TMEM94: variants seen among roughly 807,000 people sequenced by gnomAD.
TMEM94 encodes ER Mg2+ ATPase.
A neutral mutation model predicts 158.6 loss-of-function variants in TMEM94; 81 were observed. That is an observed-to-expected ratio of 0.51 (90% CI 0.43 to 0.61). The LOEUF (loss-of-function observed/expected upper bound fraction) is 0.61, where lower values mean the gene tolerates loss of function less well. Among genes scored for constraint, TMEM94 ranks in the 20% least tolerant of loss-of-function variants. TMEM94 has a pLI of 0.00. For missense variants in TMEM94, 1,435 were observed against 1,762.0 expected, an observed-to-expected ratio of 0.81 and a Z score of 3.32; for synonymous variants, 751 against 730.7, an observed-to-expected ratio of 1.03 and a Z score of -0.45.
intron 26 of TMEM94, 146 bp downstream of exon 26, chr17:75,497,344 CTTTTTTTT>C (rs67776731): frequency 3.4e-4 from 44 of 130,082 alleles, no homozygotes; most frequent in East Asian, 1.3e-3. Flanking sequence ...CCCCCTTTGT[CTTTTTTTT>C]TTTTTTTTTT....
chr17:75,496,426 C>T lies in TMEM94; in HGVS notation c.3198C>T (p.Thr1066=). The change falls in exon 24 of 32, where the codon ACC becomes ACT. Residue 1066 remains threonine, a synonymous_variant. Transcript: ENST00000314256. ...GQLNSLPCSL[T]FRQEETISII... Reference sequence around the variant, plus strand: ...TCAACAGCCTGCCCTGTTCCCTGACCTTTCGCCAGGAGGAGACCATCAGCA... The same window carrying T: ...TCAACAGCCTGCCCTGTTCCCTGACTTTTCGCCAGGAGGAGACCATCAGCA... The T allele has an allele frequency of 1.2e-6, 2 of 1,613,698 alleles. No individual in the cohort carries two copies.
rs539291116 is a variant in TMEM94 at position 75,494,291 on chromosome 17, C to T, written c.2408-336C>T. Reference sequence around the variant, plus strand: ...GCAGAGGGGCCCAGAAGCTCCACCACGCCACCCCATTCCCACCAGACACGC... The same window carrying T: ...GCAGAGGGGCCCAGAAGCTCCACCATGCCACCCCATTCCCACCAGACACGC... On this transcript the variant is annotated intron_variant, in intron 18 of 31. Coordinates refer to ENST00000314256, the MANE Select transcript of TMEM94 (RefSeq NM_014738.6). 3.9e-5 allele frequency among the ~76,000 whole-genome samples: 6 copies of T among 152,320 alleles called. No homozygotes were observed. In the South Asian group the frequency reaches 6.2e-4, roughly 16 times the overall value.
chr17:75,475,873 G>T (rs1232291049), intron 2 of TMEM94, among the ~76,000 whole-genome samples: 1 of 152,194 alleles, frequency 6.6e-6, no homozygotes, highest in Non-Finnish European at 1.5e-5. Context: ...GGCCCTTTGG[G>T]CTGGCTCTTC....
At position 75,493,928 on chromosome 17, in the gene TMEM94, G is replaced by T; in HGVS notation, c.2407+12G>T. The T allele has an allele frequency of 6.2e-7, 1 of 1,608,094 alleles. No homozygotes were observed. ...CTGGAGCTCTGACGGTACCTCATGG[G>T]TCTGTCCAGCGGGGCTGGTGCTGGG... On this transcript the variant is annotated intron_variant, in intron 18 of 31. Transcript: ENST00000314256.
chr17:75,463,008 TAAAAAAAA>T (rs1217028321), intron 1 of TMEM94, among the ~76,000 whole-genome samples: 5 of 5,684 alleles, frequency 8.8e-4, no homozygotes, highest in South Asian at 0.033. Flanking sequence ...ATAAAAAAAG[TAAAAAAAA>T]AAAAAAAAAA....
chr17:75,463,679 C>T (rs1305291493), intron 1 of TMEM94, among the ~76,000 whole-genome samples: 1 of 152,176 alleles, frequency 6.6e-6, no homozygotes, highest in East Asian at 1.9e-4. Flanking sequence ...AACCTAAGTG[C>T]AGGACTTAAT....
chr17:75,482,776 CATTT>C (rs538603532), intron 2 of TMEM94, among the ~76,000 whole-genome samples: 290 of 152,206 alleles, frequency 1.9e-3, no homozygotes, highest in African/African-American at 2.5e-3. Flanking sequence ...TTCATTCATT[CATTT>C]ATTCATTCAT....
chr17:75,487,627 C>T lies in TMEM94; in HGVS notation c.410-305C>T, dbSNP rs2051734435. ...CCTTGAGGAGCTATGTTGTTGTCTCCACCTTGCACCCCTCACAGGCCCTCT... is the reference window on the plus strand; with the variant it reads ...CCTTGAGGAGCTATGTTGTTGTCTCTACCTTGCACCCCTCACAGGCCCTCT... On this transcript the variant is annotated intron_variant, in intron 5 of 31. Transcript: ENST00000314256. This position sits in a 1 kb window ranked among gnomAD's most constrained non-coding sequence, Gnocchi z 4.6. 6.6e-6 allele frequency among the ~76,000 whole-genome samples: 1 copy of T among 152,204 alleles called. No individual in the cohort carries two copies. The highest frequency in any genetic ancestry group is 2.4e-5 in the African/African-American group (1 of 41,442).
At chr17:75,476,982 C>T (rs1431417594) in intron 2 of TMEM94, among the ~76,000 whole-genome samples, 1 of 152,138 alleles carries the variant, frequency 6.6e-6, no homozygotes, top group Non-Finnish European at 1.5e-5. Flanking sequence ...CAGGACTGGA[C>T]CCAAGCCTCC....
intron 2 of TMEM94, among the ~76,000 whole-genome samples, chr17:75,478,003 CTTTTTTTTTTT>C (rs909668190): frequency 2.9e-4 from 17 of 57,880 alleles, no homozygotes; most frequent in African/African-American, 1.5e-3. Context: ...GAGACTCCAT[CTTTTTTTTTTT>C]TTTTTTTTTT....
chr17:75,493,959 C>G (rs1213779447), intron 18 of TMEM94, 43 bp downstream of exon 18: 1 of 1,569,576 alleles, frequency 6.4e-7, no homozygotes, highest in Non-Finnish European at 8.7e-7. Flanking sequence ...CTGGGGCTCC[C>G]CTGGGCTGCC....
chr17:75,489,718 C>T lies in TMEM94; in HGVS notation c.954+56C>T, dbSNP rs1186684382. 2.2e-5 allele frequency: 31 copies of T among 1,439,622 alleles called. No individual in the cohort carries two copies. The highest frequency in any genetic ancestry group is 2.9e-5 in the Non-Finnish European group (30 of 1,024,460). The allele number at this position is 1,439,622 out of a possible 1,614,324, so 89.2% of individuals were successfully genotyped here. A position where few individuals can be genotyped will look rare whatever the true frequency, so the allele number is the denominator to read the frequency against. On this transcript the variant is annotated intron_variant, in intron 9 of 31. Transcript: ENST00000314256. This position sits in a 1 kb window ranked among gnomAD's most constrained non-coding sequence, Gnocchi z 5.0. ...TTCCCTCCGACCCGCAGGGCTGGCTCTTCTCCTAGTACCCTGGCTGTCCCT... is the reference window on the plus strand; with the variant it reads ...TTCCCTCCGACCCGCAGGGCTGGCTTTTCTCCTAGTACCCTGGCTGTCCCT...
In TMEM94 at chr17:75,499,501, G is replaced by A; in HGVS notation, c.*167G>A. 3 of 660,526 alleles carry A rather than the reference G, an allele frequency of 4.5e-6. No homozygotes were observed. Among genetic ancestry groups the A allele is most frequent in the Non-Finnish European group, 7.8e-6 (3 of 384,404 alleles). 40.9% of individuals were successfully genotyped at this position (660,526 alleles called of 1,614,324 possible). A position where few individuals can be genotyped will look rare whatever the true frequency, so the allele number is the denominator to read the frequency against. On this transcript the variant is annotated 3_prime_UTR_variant, in exon 32 of 32. Transcript: ENST00000314256. ...ACCCCGCTGTCTTCCTGAGCCCTGG[G>A]GCTCACTGTGGAGGAGCTGACGGCC...
chr17:75,481,720 CACCA>C (rs2051175659), intron 2 of TMEM94, among the ~76,000 whole-genome samples: 1 of 152,238 alleles, frequency 6.6e-6, no homozygotes, highest in East Asian at 1.9e-4. Context: ...AGCCAGGGGT[CACCA>C]GCCCCACAGC....
intron 2 of TMEM94, among the ~76,000 whole-genome samples, chr17:75,478,217 C>CCG (rs1201437651): frequency 7.0e-6 from 1 of 142,044 alleles, no homozygotes; most frequent in Non-Finnish European, 1.5e-5. Context: ...CGGGGTTTCA[C>CCG]CGTTTTAGCC....
intron 1 of TMEM94, among the ~76,000 whole-genome samples, chr17:75,469,769 A>T (rs1033948970): frequency 5.9e-5 from 9 of 151,954 alleles, no homozygotes; most frequent in Admixed American, 3.3e-4. Context: ...TGAGCAACAT[A>T]GCAAGACCCC....
At chr17:75,478,620 GT>G (rs1449654434) in intron 2 of TMEM94, among the ~76,000 whole-genome samples, 1 of 152,182 alleles carries the variant, frequency 6.6e-6, no homozygotes, top group Non-Finnish European at 1.5e-5. Context: ...CCCTGCCAGC[GT>G]CCCTCTTTGA....
intron 1 of TMEM94, among the ~76,000 whole-genome samples, chr17:75,465,676 TA>T (rs1383060986): frequency 6.3e-4 from 54 of 85,110 alleles, no homozygotes; most frequent in Non-Finnish European, 9.7e-4. Context: ...TATATATATA[TA>T]TATTTTTTTT....
chr17:75,489,197 A>G lies in TMEM94; in HGVS notation c.765-69A>G. 2 of 1,456,158 alleles carry G rather than the reference A, an allele frequency of 1.4e-6. No individual in the cohort carries two copies. Among genetic ancestry groups the G allele is most frequent in the Non-Finnish European group, 1.9e-6 (2 of 1,039,268 alleles). The allele number at this position is 1,456,158 out of a possible 1,614,324, so 90.2% of individuals were successfully genotyped here. On this transcript the variant is annotated intron_variant, in intron 7 of 31. Coordinates refer to ENST00000314256, the MANE Select transcript of TMEM94 (RefSeq NM_014738.6). This position sits in a 1 kb window ranked among gnomAD's most constrained non-coding sequence, Gnocchi z 5.0. The stretch of plus-strand genomic sequence containing the variant: ...GAAGCGGTATCTGGCAGAGAGGCCC[A>G]GAATCCTCCCAAGGTGTAGGTTTCT...
Sources: allele counts gnomAD v4.1 joint callset (sites outside exome capture counted in the v4.1 genomes callset), GRCh38; gene constraint gnomAD v4.1.1; non-coding constraint Gnocchi (gnomAD v3.1); transcripts MANE v1.5; gene names NCBI Gene and HGNC (gene_info 2026-07-23, HGNC 2026-07-21).